MYH9: variants seen among roughly 807,000 people sequenced by gnomAD.
MYH9 encodes the protein myosin-9.
Under a neutral mutation model 241.9 loss-of-function variants are expected in MYH9, and 29 were observed. That is an observed-to-expected ratio of 0.12 (90% CI 0.09 to 0.16). The LOEUF is 0.16. Ranked by LOEUF, MYH9 falls within the 10% of genes least tolerant of loss-of-function variation. MYH9 has a pLI of 1.00. For missense variants in MYH9, 1,803 were observed against 2,595.5 expected (o/e 0.69, Z 6.63); for synonymous variants, 1,047 against 1,062.6 (o/e 0.99, Z 0.29).
intron 3 of MYH9, among the ~76,000 whole-genome samples, chr22:36,334,090 C>CA (rs34562734): frequency 0.015 from 1,815 of 118,824 alleles, 16 homozygotes; most frequent in South Asian, 0.026. Context: ...GTTGGATTTA[C>CA]AAAAAAAAAA....
chr22:36,306,480 C>G lies in MYH9; in HGVS notation c.1971G>C (p.Leu657=), dbSNP rs754949536. The change falls in exon 16 of 41, where the codon CTG becomes CTC. Residue 657 remains leucine (L), a synonymous_variant. Transcript: ENST00000216181. This position sits in a 1 kb window ranked among gnomAD's most constrained non-coding sequence, Gnocchi z 4.1. ...GQLYKEQLAK[L]MATLRNTNPN... is the part of the protein sequence containing the mutation. ...GGTTCGTGTTCCTCAGCGTAGCCAT[C>G]AGCTTGGCCAGCTGCTCCTTGTAAA... 1.9e-6 allele frequency: 3 copies of G among 1,614,044 alleles called. No individual in the cohort carries two copies.
intron 1 of MYH9, chr22:36,364,828 G>C (rs1397122323): frequency 1.3e-5 from 2 of 152,166 alleles, no homozygotes; most frequent in African/African-American, 4.8e-5. Context: ...GAGGTAGACA[G>C]GCTGCCTGTG....
In MYH9 at chr22:36,288,674, G is replaced by C. The variant is rs1024998159; in HGVS notation, c.4770+53C>G. ...GTGGAAGGAGAGAACAGAAGCCTGC[G>C]TGAAGCCAAGGCAGCCTTGGGCACC... On this transcript the variant is annotated intron_variant, in intron 33 of 40. Transcript: ENST00000216181. The surrounding 1 kb of genome is among the most constrained non-coding windows in gnomAD (Gnocchi z 4.8). 1 of 1,590,068 alleles carries C rather than the reference G, an allele frequency of 6.3e-7. No individual in the cohort carries two copies. The highest frequency in any genetic ancestry group is 8.5e-7 in the Non-Finnish European group (1 of 1,171,780).
chr22:36,346,916 T>C (rs2017686029), intron 2 of MYH9, among the ~76,000 whole-genome samples: 1 of 152,176 alleles, frequency 6.6e-6, no homozygotes, highest in African/African-American at 2.4e-5. Context: ...TATAGTAACC[T>C]CTTCATGGCT....
At chr22:36,332,566 C>T (rs1321627740) in intron 3 of MYH9, among the ~76,000 whole-genome samples, 2 of 148,190 alleles carry the variant, frequency 1.3e-5, no homozygotes, top group East Asian at 3.9e-4. Flanking sequence ...TGTGATCTCC[C>T]AGGTGGAACC....
intron 1 of MYH9, among the ~76,000 whole-genome samples, chr22:36,382,077 A>G (rs1746716500): frequency 6.6e-6 from 1 of 151,818 alleles, no homozygotes; most frequent in Admixed American, 6.6e-5. Flanking sequence ...ATCCTCCCCC[A>G]TTGGCCTCCC....
At chr22:36,284,650 T>C (rs1181168150) in intron 38 of MYH9, 139 bp from the exon 39 acceptor site, 8 of 791,464 alleles carry the variant, frequency 1.0e-5, no homozygotes, top group African/African-American at 3.4e-5. Context: ...TAGACACCTA[T>C]GTGTACCCGG....
rs2017227103 is a variant in MYH9 at position 36,320,154 on chromosome 22, C to CT, written c.1012+65_1012+66insA. ...CCCAGGCCCATCGGCTACCCTGATG[C>CT]CCCGAGGCCGTGGGTACCAGCCTTC... On this transcript the variant is annotated intron_variant, in intron 9 of 40. Coordinates refer to ENST00000216181, the MANE Select transcript of MYH9 (RefSeq NM_002473.6). The surrounding 1 kb of genome is among the most constrained non-coding windows in gnomAD (Gnocchi z 4.8). 1.3e-6 allele frequency: 2 copies of CT among 1,553,224 alleles called. No homozygotes were observed. Among genetic ancestry groups the CT allele is most frequent in the African/African-American group, 3.3e-5 (2 of 61,062 alleles).
chr22:36,358,340 T>C (rs1333099667), intron 1 of MYH9, among the ~76,000 whole-genome samples: 1 of 152,126 alleles, frequency 6.6e-6, no homozygotes, highest in Non-Finnish European at 1.5e-5. Flanking sequence ...GCTGGGATTA[T>C]AGGTGTCAGC....
chr22:36,319,613 C>T lies in MYH9; in HGVS notation c.1035G>A (p.Gly345=), dbSNP rs186295134. ...AGACGATGTTGCCGAGCTGAAGAAC[C>T]CCTGAGATGACCCGCAGCAGGCCTT... The part of the protein sequence containing the change: ...EQMGLLRVIS[G]VLQLGNIVFK... The change falls in exon 10 of 41, where the codon GGG becomes GGA. Residue 345 remains glycine (G), a synonymous_variant. Transcript: ENST00000216181. 2.5e-6 allele frequency: 4 copies of T among 1,614,112 alleles called. No individual in the cohort carries two copies. The South Asian group carries it at 3.3e-5, about 13-fold the overall frequency.
intron 2 of MYH9, among the ~76,000 whole-genome samples, 185 bp from the exon 3 acceptor site, chr22:36,341,711 G>A (rs1210135128): frequency 6.6e-6 from 1 of 152,164 alleles, no homozygotes; most frequent in Non-Finnish European, 1.5e-5. Context: ...GTGAAGCACC[G>A]GCATCCTCCT....
At chr22:36,352,950 C>A (rs957612738) in intron 1 of MYH9, among the ~76,000 whole-genome samples, 1 of 152,246 alleles carries the variant, frequency 6.6e-6, no homozygotes, top group Admixed American at 6.5e-5. Flanking sequence ...CGGGTTAGAC[C>A]GGCAGGGAGA....
chr22:36,292,556 T>C (rs1210571214), intron 30 of MYH9, among the ~76,000 whole-genome samples: 1 of 152,146 alleles, frequency 6.6e-6, no homozygotes, highest in Non-Finnish European at 1.5e-5. Flanking sequence ...CAGTGCCCTG[T>C]AGGGTGTCCA....
rs138631512 is a variant in MYH9, at chr22:36,317,142, G to A, written c.1228-473C>T. ...AATAAGGCAGTGGGCAGAGGGGCAG[G>A]GGGAGATAAGACAAACGATGAGCCA... On this transcript the variant is annotated intron_variant, in intron 11 of 40. Transcript: ENST00000216181. Among the ~76,000 whole-genome samples, 764 of 120,746 alleles carry A rather than the reference G, an allele frequency of 6.3e-3. 4 individuals are homozygous for A. The highest frequency in any genetic ancestry group is 0.01 in the Non-Finnish European group (550 of 54,016). 79.2% of individuals were successfully genotyped at this position (120,746 alleles called of 152,430 possible).
intron 1 of MYH9, among the ~76,000 whole-genome samples, chr22:36,378,127 T>A (rs1325405135): frequency 3.3e-5 from 5 of 149,698 alleles, no homozygotes; most frequent in Admixed American, 6.7e-5. Context: ...AAAAAAAAAA[T>A]TAGCCAGGCC....
At chr22:36,374,787 A>G (rs1163380774) in intron 1 of MYH9, among the ~76,000 whole-genome samples, 2 of 152,176 alleles carry the variant, frequency 1.3e-5, no homozygotes, top group Non-Finnish European at 2.9e-5. Context: ...GTCGTGGCCT[A>G]AGGAGGAGAG....
chr22:36,352,247 C>T (rs984675155), intron 1 of MYH9, among the ~76,000 whole-genome samples: 5 of 152,164 alleles, frequency 3.3e-5, no homozygotes, highest in South Asian at 2.1e-4. Context: ...AAATATTTGC[C>T]GGATGTTATC....
At position 36,320,404 on chromosome 22, in the gene MYH9, G is replaced by C. The variant is rs1401665186; in HGVS notation, c.869-41C>G. 2 of 1,607,432 alleles carry C rather than the reference G, an allele frequency of 1.2e-6. No homozygotes were observed. The highest frequency in any genetic ancestry group is 1.7e-6 in the Non-Finnish European group (2 of 1,179,784). On this transcript the variant is annotated intron_variant, in intron 8 of 40. Coordinates refer to ENST00000216181, the MANE Select transcript of MYH9 (RefSeq NM_002473.6). This position sits in a 1 kb window ranked among gnomAD's most constrained non-coding sequence, Gnocchi z 4.8. ...GGCAAGGGCGCCTCAGCGAGGTGCT[G>C]AAAGTGGAGGCTCCATCAGCGCTGT...
chr22:36,321,343 T>C (rs1048736468), intron 7 of MYH9, among the ~76,000 whole-genome samples: 6 of 152,190 alleles, frequency 3.9e-5, no homozygotes, highest in Non-Finnish European at 8.8e-5. Context: ...GCAAACTACC[T>C]GGGTTCTCAC....
Sources: allele counts gnomAD v4.1 joint callset (sites outside exome capture counted in the v4.1 genomes callset), GRCh38; gene constraint gnomAD v4.1.1; non-coding constraint Gnocchi (gnomAD v3.1); transcripts MANE v1.5; gene names NCBI Gene and HGNC (gene_info 2026-07-23, HGNC 2026-07-21).